STAT3: variants seen among roughly 807,000 people sequenced by gnomAD.
STAT3 encodes the protein DNA-binding protein APRF.
STAT3 carries 7 observed loss-of-function variants against 114.3 expected under a neutral mutation model. That is an observed-to-expected ratio of 0.06 (90% CI 0.03 to 0.11). The LOEUF is 0.11. STAT3 is among the 10% of genes least tolerant of loss of function. The probability of loss-of-function intolerance (pLI) is 1.00; values close to 1 mark genes in which losing one functional copy is unlikely to be tolerated. For missense variants in STAT3, 364 were observed against 960.9 expected (o/e 0.38, Z 8.21); for synonymous variants, 331 against 354.5 (o/e 0.93, Z 0.74).
Position 42,339,470 on chromosome 17 carries a change from A to G in STAT3, c.373-61T>C, listed in dbSNP as rs1433065592. On this transcript the variant is annotated intron_variant, in intron 4 of 23. Coordinates refer to ENST00000264657, the MANE Select transcript of STAT3 (RefSeq NM_139276.3). ...GAACTATGGGGAGAGGAATACCTCT[A>G]CCCAGCTTCCATCCCACCCTAACTA... 4 of 1,501,796 alleles carry G rather than the reference A, an allele frequency of 2.7e-6. No homozygotes were observed. The Admixed American group carries it at 6.7e-5, about 25-fold the overall frequency. The allele number at this position is 1,501,796 out of a possible 1,614,324, so 93.0% of individuals were successfully genotyped here.
chr17:42,374,706 A>T (rs952250246), intron 1 of STAT3, among the ~76,000 whole-genome samples: 2 of 152,110 alleles, frequency 1.3e-5, no homozygotes, highest in Non-Finnish European at 2.9e-5. Context: ...GGTGGCCAAG[A>T]TAATGTAACA....
At position 42,323,037 on chromosome 17, in the gene STAT3, C is replaced by T. The variant is rs773386939; in HGVS notation, c.1855G>A (p.Val619Ile). 5.6e-6 allele frequency: 9 copies of T among 1,614,014 alleles called. No individual in the cohort carries two copies. Among genetic ancestry groups the T allele is most frequent in the Admixed American group, 3.3e-5 (2 of 60,006 alleles). Residue 619 changes from valine to isoleucine, a missense_variant, in exon 20 of 24, where the codon GTC (valine) becomes ATC (isoleucine). Coordinates refer to ENST00000264657, the MANE Select transcript of STAT3 (RefSeq NM_139276.3). ...RFSESSKEGG[V>I]TFTWVEKDIS... The stretch of plus-strand genomic sequence containing the variant: ...TCCTTCTCCACCCAAGTGAAAGTGA[C>T]GCCTCCTTCTTTGCTGCTTTCACTG...
intron 5 of STAT3, 143 bp downstream of exon 5, chr17:42,339,171 G>A (rs2082339361): frequency 1.8e-5 from 14 of 767,200 alleles, no homozygotes; most frequent in Middle Eastern, 3.5e-4. Context: ...TAGGAGGATC[G>A]CTTGGGCCTG....
chr17:42,379,969 T>C (rs963829726), intron 1 of STAT3, among the ~76,000 whole-genome samples: 1 of 152,196 alleles, frequency 6.6e-6, no homozygotes, highest in Non-Finnish European at 1.5e-5. Flanking sequence ...CCATGAATCA[T>C]AATTTGCCTG....
At chr17:42,316,729 C>T (rs1018548443) in intron 23 of STAT3, 60 bp downstream of exon 23, 1 of 1,608,616 alleles carries the variant, frequency 6.2e-7, no homozygotes, top group African/African-American at 1.3e-5. Flanking sequence ...CATGTGAGAG[C>T]ATCACACAAA....
chr17:42,349,785 A>G (rs758550153), intron 1 of STAT3, among the ~76,000 whole-genome samples: 2 of 152,226 alleles, frequency 1.3e-5, no homozygotes, highest in African/African-American at 4.8e-5. Flanking sequence ...GGCCAGGCGC[A>G]GTGGCTTACG....
At chr17:42,358,041 A>T (rs2083311961) in intron 1 of STAT3, among the ~76,000 whole-genome samples, 1 of 152,238 alleles carries the variant, frequency 6.6e-6, no homozygotes, top group African/African-American at 2.4e-5. Context: ...ATGACGATCA[A>T]GCTTGTAAAA....
chr17:42,373,114 G>A (rs912468202), intron 1 of STAT3, among the ~76,000 whole-genome samples: 2 of 152,156 alleles, frequency 1.3e-5, no homozygotes, highest in South Asian at 2.1e-4. Flanking sequence ...CACTTTGGGA[G>A]GCCAAGGCAG....
chr17:42,320,654 G>A lies in STAT3; in HGVS notation c.2101+1628C>T, dbSNP rs187549123. Among the ~76,000 whole-genome samples, 230 of 151,558 alleles carry A rather than the reference G, an allele frequency of 1.5e-3. 1 individual carries two copies. Among genetic ancestry groups the A allele is most frequent in the African/African-American group, 4.7e-3 (194 of 41,262 alleles). On this transcript the variant is annotated intron_variant, in intron 21 of 23. Transcript: ENST00000264657. ...CTGAGGCAGGAGAATTGCTTGAACCGGGAGGTGGAGGTTGCAGTGAGCCGA... is the reference window on the plus strand; with the variant it reads ...CTGAGGCAGGAGAATTGCTTGAACCAGGAGGTGGAGGTTGCAGTGAGCCGA...
At position 42,315,406 on chromosome 17, in the gene STAT3, T is replaced by C. The variant is rs1234898868; in HGVS notation, c.*339A>G. 6 of 468,372 alleles carry C rather than the reference T, an allele frequency of 1.3e-5. No homozygotes were observed. The highest frequency in any genetic ancestry group is 1.6e-5 in the Non-Finnish European group (4 of 254,948). 29.0% of individuals were successfully genotyped at this position (468,372 alleles called of 1,614,324 possible). ...ACTTGTCTAAGAACAACAACAACAA[T>C]AACAAAAAGCTGCTGAGAAAGGAGG... On this transcript the variant is annotated 3_prime_UTR_variant, in exon 24 of 24. Coordinates refer to ENST00000264657, the MANE Select transcript of STAT3 (RefSeq NM_139276.3).
intron 1 of STAT3, among the ~76,000 whole-genome samples, chr17:42,370,373 G>C (rs1488493268): frequency 6.6e-6 from 1 of 150,974 alleles, no homozygotes; most frequent in African/African-American, 2.4e-5. Flanking sequence ...AGCCTCCTGA[G>C]TAGCTGGGAT....
chr17:42,326,328 CA>C, intron 14 of STAT3, 129 bp from the exon 15 acceptor site: 1 of 764,276 alleles, frequency 1.3e-6, no homozygotes, highest in Non-Finnish European at 2.2e-6. Flanking sequence ...AGCAGCACAG[CA>C]AAACTCCATC....
At chr17:42,351,851 C>T (rs2082977912) in intron 1 of STAT3, among the ~76,000 whole-genome samples, 1 of 151,918 alleles carries the variant, frequency 6.6e-6, no homozygotes, top group African/African-American at 2.4e-5. Context: ...TTCAGTCTCC[C>T]GGGTTCAAGC....
At chr17:42,346,901 A>T (rs1246075192) in intron 2 of STAT3, among the ~76,000 whole-genome samples, 188 bp from the exon 3 acceptor site, 1 of 152,212 alleles carries the variant, frequency 6.6e-6, no homozygotes, top group Admixed American at 6.6e-5. Context: ...ATTAACAATT[A>T]TTCCAGGCCA....
chr17:42,342,295 C>T (rs2144929666), intron 4 of STAT3, among the ~76,000 whole-genome samples: 1 of 152,152 alleles, frequency 6.6e-6, no homozygotes, highest in Admixed American at 6.6e-5. Context: ...CCAGCCTGGC[C>T]AATATGGTGA....
rs1279226247 is a variant in STAT3, at chr17:42,315,812, G to A, written c.2258-12C>T. 1 of 1,614,082 alleles carries A rather than the reference G, an allele frequency of 6.2e-7. No homozygotes were observed. Among genetic ancestry groups the A allele is most frequent in the Middle Eastern group, 1.7e-4 (1 of 6,012 alleles). The stretch of plus-strand genomic sequence containing the variant: ...AAAGGTGAGGGACTCTGGAGGGACA[G>A]ACAGGGAAAACTAGTTCAGTTGTCC... On this transcript the variant is annotated splice_polypyrimidine_tract_variant and intron_variant, in intron 23 of 23. Transcript: ENST00000264657.
chr17:42,370,913 T>G (rs1286953116), intron 1 of STAT3, among the ~76,000 whole-genome samples: 1 of 152,182 alleles, frequency 6.6e-6, no homozygotes, highest in Non-Finnish European at 1.5e-5. Context: ...CGGGCCTCCC[T>G]GTTAAGCCCA....
intron 1 of STAT3, 63 bp from the exon 2 acceptor site, chr17:42,348,602 A>G (rs1476189902): frequency 6.9e-6 from 11 of 1,594,380 alleles, no homozygotes; most frequent in Non-Finnish European, 9.4e-6. Context: ...ATCTAGAAGT[A>G]GCCATTGCCC....
chr17:42,324,651 T>C lies in STAT3; in HGVS notation c.1600+60A>G. 1 of 1,462,814 alleles carries C rather than the reference T, an allele frequency of 6.8e-7. No individual in the cohort carries two copies. Among genetic ancestry groups the C allele is most frequent in the Middle Eastern group, 2.4e-4 (1 of 4,132 alleles). The allele number at this position is 1,462,814 out of a possible 1,614,324, so 90.6% of individuals were successfully genotyped here. On this transcript the variant is annotated intron_variant, in intron 17 of 23. Transcript: ENST00000264657. This position sits in a 1 kb window ranked among gnomAD's most constrained non-coding sequence, Gnocchi z 4.5. ...TAGACATGGCCCAAATGAACAGCCC[T>C]ATGGGCCGGATCCCTTTTCTGGGCG...
Sources: gnomAD v4.1 joint callset for allele counts (sites outside exome capture counted in the v4.1 genomes callset) on GRCh38, gnomAD v4.1.1 for gene constraint, Gnocchi (gnomAD v3.1) non-coding constraint, MANE v1.5 for transcripts, NCBI Gene and HGNC (gene_info 2026-07-23, HGNC 2026-07-21) for gene names.